The following CCDC7 variants were observed in gnomAD, a reference collection of about 807,000 sequenced individuals.
The protein encoded by CCDC7 is coiled-coil domain-containing protein 7.
In CCDC7, 183 loss-of-function variants were observed where a neutral mutation model predicts 196.9. That is an observed-to-expected ratio of 0.93 (90% confidence interval 0.82 to 1.05). The LOEUF is 1.05. Among genes scored for constraint, CCDC7 ranks in the 50% least tolerant of loss-of-function variants. CCDC7 has a pLI of 0.00. For missense variants in CCDC7, 1,540 were observed against 1,482.2 expected (o/e 1.04, Z -0.64); for synonymous variants, 525 against 484.6 (o/e 1.08, Z -1.10).
intron 11 of CCDC7, among the ~76,000 whole-genome samples, chr10:32,519,485 T>C (rs1368934782): frequency 6.6e-6 from 1 of 152,150 alleles, no homozygotes; most frequent in East Asian, 1.9e-4. Flanking sequence ...CTTCAATATA[T>C]GATCTAGGAT....
upstream of CCDC7, among the ~76,000 whole-genome samples, chr10:32,448,830 T>C: frequency 6.6e-6 from 1 of 152,240 alleles, no homozygotes; most frequent in Non-Finnish European, 1.5e-5. Context: ...TATATTTTTT[T>C]CAAACCTGAT....
At chr10:32,771,834 T>C (rs1356342185) in intron 28 of CCDC7, among the ~76,000 whole-genome samples, 2 of 152,236 alleles carry the variant, frequency 1.3e-5, no homozygotes, top group African/African-American at 4.8e-5. Flanking sequence ...GCAGTAGTGA[T>C]AGCTGAGATC....
chr10:32,545,361 G>A (rs531614186), intron 13 of CCDC7, among the ~76,000 whole-genome samples: 11 of 152,114 alleles, frequency 7.2e-5, no homozygotes, highest in Non-Finnish European at 1.3e-4. Context: ...CAACATTTTG[G>A]TCTCACAAAT....
intron 18 of CCDC7, among the ~76,000 whole-genome samples, chr10:32,618,810 C>T (rs1300332344): frequency 6.6e-6 from 1 of 152,050 alleles, no homozygotes; most frequent in Non-Finnish European, 1.5e-5. Flanking sequence ...AGGAAGTTCT[C>T]AGCAATTGTT....
rs538321975 is a variant in CCDC7, at chr10:32,796,687, C to G, written c.3014-8328C>G. ...TTCACTCCATCAGAGGACCTTTGCA[C>G]TTGCTTTTCACACTTTATGAGATAT... On this transcript the variant is annotated intron_variant, in intron 29 of 41. Coordinates refer to ENST00000639629, the Ensembl canonical transcript of CCDC7. 1.5e-3 allele frequency among the ~76,000 whole-genome samples: 228 copies of G among 152,248 alleles called. 2 individuals are homozygous for G. Among genetic ancestry groups the G allele is most frequent in the African/African-American group, 5.2e-3 (217 of 41,542 alleles).
intron 29 of CCDC7, among the ~76,000 whole-genome samples, chr10:32,782,308 A>G (rs1300754843): frequency 6.6e-6 from 1 of 151,938 alleles, no homozygotes; most frequent in Non-Finnish European, 1.5e-5. Flanking sequence ...GCTCACTGCA[A>G]CCTCCGCCTC....
rs556927262 is a variant in CCDC7 at position 32,539,430 on chromosome 10, G to A, written c.994-3870G>A. Among the ~76,000 whole-genome samples the A allele has an allele frequency of 9.9e-5, 15 of 152,006 alleles. No homozygotes were observed. The South Asian group carries it at 1.9e-3, about 19-fold the overall frequency. On this transcript the variant is annotated intron_variant, in intron 11 of 41. Coordinates refer to ENST00000639629, the Ensembl canonical transcript of CCDC7. Reference sequence around the variant, plus strand: ...CAGGATCTTCTCTCTGTTTTTATTTGTGTAGCTAGTGGTCTATCTTATTAT... The same window carrying A: ...CAGGATCTTCTCTCTGTTTTTATTTATGTAGCTAGTGGTCTATCTTATTAT...
At chr10:32,621,233 A>G (rs150113030) in intron 18 of CCDC7, among the ~76,000 whole-genome samples, 2 of 152,300 alleles carry the variant, frequency 1.3e-5, no homozygotes, top group East Asian at 3.9e-4. Flanking sequence ...CATGAATGAA[A>G]TACTTCCTTA....
chr10:32,693,556 A>G (rs961379140), intron 23 of CCDC7, among the ~76,000 whole-genome samples: 1 of 152,160 alleles, frequency 6.6e-6, no homozygotes, highest in South Asian at 2.1e-4. Context: ...AGTTGTTTGT[A>G]CCACATTATT....
chr10:32,724,427 G>A (rs1322421176), intron 25 of CCDC7, among the ~76,000 whole-genome samples: 1 of 152,086 alleles, frequency 6.6e-6, no homozygotes, highest in African/African-American at 2.4e-5. Context: ...AAACTGAAAG[G>A]AATAATTAAG....
At position 32,461,731 on chromosome 10, in the gene CCDC7, G is replaced by GTATA. The variant is rs61624157; in HGVS notation, c.457-935_457-932dup. On this transcript the variant is annotated intron_variant, in intron 3 of 41. Coordinates refer to ENST00000639629, the Ensembl canonical transcript of CCDC7. ...TGTGTATATATATATATATATATAT[G>GTATA]TATATATATATATATATATACATAT... 3.6e-3 allele frequency among the ~76,000 whole-genome samples: 119 copies of GTATA among 33,060 alleles called. 2 individuals are homozygous for GTATA. The highest frequency in any genetic ancestry group is 8.0e-3 in the African/African-American group (112 of 14,038). 21.7% of individuals were successfully genotyped at this position (33,060 alleles called of 152,430 possible). A position where few individuals can be genotyped will look rare whatever the true frequency, so the allele number is the denominator to read the frequency against.
At chr10:32,597,491 G>A (rs2060516968) in intron 18 of CCDC7, among the ~76,000 whole-genome samples, 1 of 152,158 alleles carries the variant, frequency 6.6e-6, no homozygotes, top group Non-Finnish European at 1.5e-5. Flanking sequence ...GGAGAAGTAT[G>A]TTATTACTGA....
Position 32,511,714 on chromosome 10 carries a change from G to C in CCDC7, c.873-6231G>C, listed in dbSNP as rs371098939. 3.2e-6 allele frequency: 5 copies of C among 1,579,740 alleles called. No homozygotes were observed. In the African/African-American group the frequency reaches 6.7e-5, roughly 21 times the overall value. ...AATACTCGTGAATTTCTACTGGATA[G>C]TCTTCATTAATTTCTTCACCTGCCG... On this transcript the variant is annotated intron_variant, in intron 9 of 41. Transcript: ENST00000639629.
chr10:32,462,909 G>C, intron 4 of CCDC7, 108 bp from the exon 6 acceptor site: 1 of 1,503,712 alleles, frequency 6.7e-7, no homozygotes, highest in African/African-American at 1.4e-5. Context: ...GATATTTGAT[G>C]GATGAAGATT....
chr10:32,460,025 A>G (rs2035289337), intron 3 of CCDC7, among the ~76,000 whole-genome samples: 1 of 152,176 alleles, frequency 6.6e-6, no homozygotes, highest in Non-Finnish European at 1.5e-5. Flanking sequence ...CTAATTTGAT[A>G]TATGATCAAA....
rs113353807 is a variant in CCDC7, at chr10:32,610,029, A to AGTGTGTGTGTGT, written c.1802-24209_1802-24198dup. ...TTTTTTTTGCGTATGTGTATGTATG[A>AGTGTGTGTGTGT]GTGTGTGTGTGTGTGTGTGTGTGTG... On this transcript the variant is annotated intron_variant, in intron 18 of 41. Transcript: ENST00000639629. Among the ~76,000 whole-genome samples the AGTGTGTGTGTGT allele has an allele frequency of 5.5e-3, 802 of 146,396 alleles. 7 individuals carry two copies. Among genetic ancestry groups the AGTGTGTGTGTGT allele is most frequent in the African/African-American group, 0.019 (760 of 40,150 alleles).
At chr10:32,628,944 C>A (rs889490237) in intron 18 of CCDC7, among the ~76,000 whole-genome samples, 1 of 152,106 alleles carries the variant, frequency 6.6e-6, no homozygotes, top group African/African-American at 2.4e-5. Context: ...AGAATGGCTG[C>A]ATGTGCTTGA....
intron 28 of CCDC7, among the ~76,000 whole-genome samples, chr10:32,768,302 A>T (rs1023111890): frequency 1.3e-5 from 2 of 152,026 alleles, no homozygotes. Context: ...TGTAAGTGGG[A>T]TTGCCTTCTT....
chr10:32,688,797 T>TA (rs1289218541), intron 22 of CCDC7, among the ~76,000 whole-genome samples: 2 of 152,154 alleles, frequency 1.3e-5, no homozygotes. Context: ...ATTGAAAATA[T>TA]AAAAAACCTA....
Sources: allele counts gnomAD v4.1 joint callset (sites outside exome capture counted in the v4.1 genomes callset), GRCh38; gene constraint gnomAD v4.1.1; transcripts MANE v1.5; gene names NCBI Gene and HGNC (gene_info 2026-07-23, HGNC 2026-07-21).